ATF7IP: variants seen among roughly 807,000 people sequenced by gnomAD.
ATF7IP encodes activating transcription factor 7 interacting protein.
Under a neutral mutation model 106.4 loss-of-function variants are expected in ATF7IP, and 23 were observed. That is an observed-to-expected ratio of 0.22 (90% CI 0.16 to 0.31). The LOEUF is 0.31. Among genes scored for constraint, ATF7IP ranks in the 10% least tolerant of loss-of-function variants. The probability of loss-of-function intolerance (pLI) is 1.00; values close to 1 mark genes in which losing one functional copy is unlikely to be tolerated. For missense variants in ATF7IP, 1,334 were observed against 1,524.3 expected, an observed-to-expected ratio of 0.88 and a Z score of 2.08; for synonymous variants, 542 against 539.0, an observed-to-expected ratio of 1.01 and a Z score of -0.08.
chr12:14,490,551 C>T (rs1327108770), intron 13 of ATF7IP, among the ~76,000 whole-genome samples: 1 of 152,188 alleles, frequency 6.6e-6, no homozygotes, highest in Non-Finnish European at 1.5e-5. Context: ...CACTGCTGTT[C>T]TTCAGGGATG....
intron 9 of ATF7IP, among the ~76,000 whole-genome samples, chr12:14,464,605 A>G (rs1033754877): frequency 4.6e-5 from 7 of 152,162 alleles, no homozygotes; most frequent in East Asian, 1.9e-4. Flanking sequence ...TGATAGATGG[A>G]GTTATAATAT....
intron 1 of ATF7IP, among the ~76,000 whole-genome samples, chr12:14,415,224 A>G (rs549139295): frequency 6.4e-4 from 97 of 152,268 alleles, no homozygotes; most frequent in African/African-American, 2.3e-3. Context: ...AATTTGCTCT[A>G]TGTATTCTAA....
At chr12:14,412,952 T>C (rs1941003293) in intron 1 of ATF7IP, among the ~76,000 whole-genome samples, 2 of 152,236 alleles carry the variant, frequency 1.3e-5, no homozygotes, top group Non-Finnish European at 2.9e-5. Flanking sequence ...AGGCGGAGGC[T>C]ACAGTGATCT....
In ATF7IP at chr12:14,376,598, G is replaced by T. The variant is rs1042799563; in HGVS notation, c.-8+10771G>T. On this transcript the variant is annotated intron_variant, in intron 1 of 14. Transcript: ENST00000261168. ...TAGCTTGTCTCCACTACCAGAAACC[G>T]CATCATCTGACTTAATGAGCTTTCA... Among the ~76,000 whole-genome samples, 9 of 152,236 alleles carry T rather than the reference G, an allele frequency of 5.9e-5. No homozygotes were observed. The East Asian group carries it at 1.5e-3, about 26-fold the overall frequency.
intron 1 of ATF7IP, among the ~76,000 whole-genome samples, chr12:14,396,735 A>T (rs1360129326): frequency 6.6e-6 from 1 of 152,212 alleles, no homozygotes; most frequent in Admixed American, 6.5e-5. Context: ...ATAGACAAAG[A>T]GAAAAAGAGT....
At chr12:14,379,760 C>T (rs1471853780) in intron 1 of ATF7IP, among the ~76,000 whole-genome samples, 1 of 152,160 alleles carries the variant, frequency 6.6e-6, no homozygotes, top group Admixed American at 6.5e-5. Context: ...CTTCTTCCTA[C>T]TATTATCACC....
At chr12:14,417,641 A>G (rs1053216207) in intron 1 of ATF7IP, among the ~76,000 whole-genome samples, 16 of 152,146 alleles carry the variant, frequency 1.1e-4, no homozygotes, top group African/African-American at 3.9e-4. Flanking sequence ...ATTTATATTA[A>G]TGTATATTTC....
At chr12:14,466,657 C>T in intron 10 of ATF7IP, 67 bp downstream of exon 10, 1 of 1,249,238 alleles carries the variant, frequency 8.0e-7, no homozygotes, top group Non-Finnish European at 1.1e-6. Context: ...GAATTTTCAT[C>T]ATTCTTTGAT....
chr12:14,494,284 A>AACAT (rs1457435987), intron 13 of ATF7IP, among the ~76,000 whole-genome samples: 1 of 53,804 alleles, frequency 1.9e-5, no homozygotes, highest in Non-Finnish European at 3.7e-5. Flanking sequence ...GAGCTAATAG[A>AACAT]ATATATATAT....
Position 14,372,478 on chromosome 12 carries a change from A to G in ATF7IP, c.-8+6651A>G, listed in dbSNP as rs151015457. 9.3e-3 allele frequency among the ~76,000 whole-genome samples: 1,378 copies of G among 148,590 alleles called. 9 individuals are homozygous for G. The highest frequency in any genetic ancestry group is 0.014 in the Non-Finnish European group (944 of 66,658). On this transcript the variant is annotated intron_variant, in intron 1 of 14. Coordinates refer to ENST00000261168, the MANE Select transcript of ATF7IP (RefSeq NM_018179.5). ...CACTTTTCAAAAAAAAAAAAAAAATACCATAGGCCTAAGGGAACAGTTATA... is the reference window on the plus strand; with the variant it reads ...CACTTTTCAAAAAAAAAAAAAAAATGCCATAGGCCTAAGGGAACAGTTATA...
chr12:14,466,672 T>A, intron 10 of ATF7IP, 82 bp downstream of exon 10: 1 of 1,120,428 alleles, frequency 8.9e-7, no homozygotes, highest in Non-Finnish European at 1.3e-6. Flanking sequence ...TTTGATTGAA[T>A]GAAAATTGTT....
At chr12:14,444,472 C>T (rs1346105139) in intron 5 of ATF7IP, among the ~76,000 whole-genome samples, 1 of 151,918 alleles carries the variant, frequency 6.6e-6, no homozygotes, top group Non-Finnish European at 1.5e-5. Context: ...CAAATAAAAC[C>T]CAATGTAATA....
At chr12:14,484,018 G>T (rs1244564030) in intron 13 of ATF7IP, among the ~76,000 whole-genome samples, 1 of 152,140 alleles carries the variant, frequency 6.6e-6, no homozygotes, top group Non-Finnish European at 1.5e-5. Context: ...TCTGGAGTAA[G>T]TGTCTATTCC....
At chr12:14,494,284 A>AATACATATATATATAT (rs1944924581) in intron 13 of ATF7IP, among the ~76,000 whole-genome samples, 1 of 53,804 alleles carries the variant, frequency 1.9e-5, no homozygotes, top group Non-Finnish European at 3.7e-5. Flanking sequence ...GAGCTAATAG[A>AATACATATATATATAT]ATATATATAT....
rs113938032 is a variant in ATF7IP at position 14,466,557 on chromosome 12, T to C, written c.2829T>C (p.Ser943=). ...ENQTNKTIDA[S]VSKKAADSTS... is the part of the protein sequence containing the mutation. ...AGACAAACAAAACAATAGATGCTTC[T>C]GTCAGTAAGAAAGCAGCTGATAGCA... is the stretch of plus-strand genomic sequence containing the variant. Residue 943 remains serine (S), a synonymous_variant, in exon 10 of 15, where the codon TCT becomes TCC. Transcript: ENST00000261168. The C allele has an allele frequency of 6.2e-7, 1 of 1,604,482 alleles. No homozygotes were observed. Among genetic ancestry groups the C allele is most frequent in the Non-Finnish European group, 8.5e-7 (1 of 1,177,068 alleles).
intron 13 of ATF7IP, among the ~76,000 whole-genome samples, chr12:14,489,155 T>C (rs1050640696): frequency 1.3e-5 from 2 of 152,202 alleles, no homozygotes; most frequent in Non-Finnish European, 2.9e-5. Context: ...TGGGCTGTTA[T>C]AGTTTCCTGT....
At chr12:14,452,850 T>C (rs1943260213) in intron 6 of ATF7IP, among the ~76,000 whole-genome samples, 1 of 152,198 alleles carries the variant, frequency 6.6e-6, no homozygotes, top group Non-Finnish European at 1.5e-5. Flanking sequence ...CTCTTTAGTT[T>C]CCACGTGAAG....
At chr12:14,385,306 C>A (rs1939168667) in intron 1 of ATF7IP, 1 of 1,253,238 alleles carries the variant, frequency 8.0e-7, no homozygotes, top group African/African-American at 1.5e-5. Flanking sequence ...TGAGACTGTG[C>A]AGCTGTCTCA....
At chr12:14,476,251 A>G (rs1335598007) in intron 11 of ATF7IP, 1 of 226,838 alleles carries the variant, frequency 4.4e-6, no homozygotes, top group Non-Finnish European at 8.7e-6. Flanking sequence ...GTCTCTATAA[A>G]AAATTTAAAA....
Sources: gnomAD v4.1 joint callset for allele counts (sites outside exome capture counted in the v4.1 genomes callset) on GRCh38, gnomAD v4.1.1 for gene constraint, MANE v1.5 for transcripts, NCBI Gene and HGNC (gene_info 2026-07-23, HGNC 2026-07-21) for gene names.